The following CDKAL1 variants were observed in gnomAD, a reference collection of about 807,000 sequenced individuals.
The protein encoded by CDKAL1 is threonylcarbamoyladenosine tRNA methylthiotransferase.
CDKAL1 carries 32 observed loss-of-function variants against 68.2 expected under a neutral mutation model. That is an observed-to-expected ratio of 0.47 (90% CI 0.35 to 0.63). The LOEUF is 0.63. Ranked by LOEUF, CDKAL1 falls within the 30% of genes least tolerant of loss-of-function variation. The pLI is 0.00. For synonymous variants in CDKAL1, 234 were observed against 244.3 expected, an observed-to-expected ratio of 0.96 and a Z score of 0.39; for missense variants, 606 against 696.7, an observed-to-expected ratio of 0.87 and a Z score of 1.47.
At chr6:21,136,381 G>A (rs944249028) in intron 13 of CDKAL1, among the ~76,000 whole-genome samples, 4 of 152,212 alleles carry the variant, frequency 2.6e-5, no homozygotes, top group Admixed American at 6.5e-5. Flanking sequence ...TGTTGGGAAG[G>A]ATGGAGATGA....
intron 2 of CDKAL1, among the ~76,000 whole-genome samples, chr6:20,545,825 T>C (rs1293648898): frequency 1.3e-5 from 2 of 152,232 alleles, no homozygotes; most frequent in African/African-American, 4.8e-5. Flanking sequence ...CACTTCTAAA[T>C]ATTCAATATG....
intron 15 of CDKAL1, among the ~76,000 whole-genome samples, chr6:21,223,737 C>T (rs558492340): frequency 6.6e-6 from 1 of 152,298 alleles, no homozygotes; most frequent in South Asian, 2.1e-4. Flanking sequence ...CTCTTGGGTG[C>T]CCTTTCCCTC....
At chr6:20,763,533 G>T (rs1327188806) in intron 7 of CDKAL1, among the ~76,000 whole-genome samples, 1 of 152,158 alleles carries the variant, frequency 6.6e-6, no homozygotes, top group Non-Finnish European at 1.5e-5. Flanking sequence ...GGGCCAGATG[G>T]AATACCGCCT....
At chr6:21,117,646 T>G (rs564665278) in intron 13 of CDKAL1, among the ~76,000 whole-genome samples, 3 of 152,050 alleles carry the variant, frequency 2.0e-5, no homozygotes, top group Non-Finnish European at 4.4e-5. Context: ...TCAAAAAAAT[T>G]TATTCATTAT....
chr6:20,936,552 T>A (rs973116919), intron 9 of CDKAL1, among the ~76,000 whole-genome samples: 5 of 145,988 alleles, frequency 3.4e-5, no homozygotes, highest in African/African-American at 1.0e-4. Context: ...GCCCGGCCCA[T>A]TTTTTTTTTT....
chr6:20,657,957 G>A (rs1162022793), intron 5 of CDKAL1, among the ~76,000 whole-genome samples: 1 of 152,050 alleles, frequency 6.6e-6, no homozygotes, highest in Admixed American at 6.6e-5. Flanking sequence ...CCCTGGCTTT[G>A]TTTTATCCAT....
In CDKAL1 at chr6:20,771,663, T is replaced by G. The variant is rs144873794; in HGVS notation, c.518-9482T>G. 7.9e-3 allele frequency among the ~76,000 whole-genome samples: 1,209 copies of G among 152,270 alleles called. 19 individuals carry two copies. The highest frequency in any genetic ancestry group is 0.027 in the African/African-American group (1,130 of 41,568). ...TGGAAGTGGGGCCTGGTGGGAGGTA[T>G]TTGGGTCATGGGGGCGGTTCCCTCA... is the stretch of plus-strand genomic sequence containing the variant. On this transcript the variant is annotated intron_variant, in intron 7 of 15. Coordinates refer to ENST00000274695, the MANE Select transcript of CDKAL1 (RefSeq NM_017774.3).
chr6:20,610,029 T>G (rs999669064), intron 4 of CDKAL1, among the ~76,000 whole-genome samples: 4 of 152,128 alleles, frequency 2.6e-5, no homozygotes, highest in Non-Finnish European at 5.9e-5. Context: ...ACATGCAGTA[T>G]TTGGTTTTCT....
In CDKAL1 at chr6:20,837,209, C is replaced by A. The variant is rs1019976589; in HGVS notation, c.639-8866C>A. Among the ~76,000 whole-genome samples the A allele has an allele frequency of 2.0e-5, 3 of 152,156 alleles. No individual in the cohort carries two copies. In the East Asian group the frequency reaches 5.8e-4, roughly 29 times the overall value. On this transcript the variant is annotated intron_variant, in intron 8 of 15. Coordinates refer to ENST00000274695, the MANE Select transcript of CDKAL1 (RefSeq NM_017774.3). ...TGCTCACACCATTATTTGACCCAAA[C>A]AATTTAAGTTTTTTCCCACACAGGT...
chr6:20,787,534 C>T (rs1352291619), intron 8 of CDKAL1, among the ~76,000 whole-genome samples: 7 of 152,180 alleles, frequency 4.6e-5, no homozygotes, highest in Non-Finnish European at 7.3e-5. Flanking sequence ...GTTCTTGTAA[C>T]GTTGGTGGAG....
chr6:21,105,556 G>A (rs1773803482), intron 12 of CDKAL1, among the ~76,000 whole-genome samples: 1 of 152,182 alleles, frequency 6.6e-6, no homozygotes, highest in Non-Finnish European at 1.5e-5. Flanking sequence ...ATTAATATCA[G>A]GTCCAACTGC....
chr6:20,722,749 A>G (rs897657525), intron 5 of CDKAL1, among the ~76,000 whole-genome samples: 1 of 152,020 alleles, frequency 6.6e-6, no homozygotes, highest in Non-Finnish European at 1.5e-5. Flanking sequence ...CTTTTTACCA[A>G]TTGAATGTTG....
chr6:20,959,824 G>C (rs1044559421), intron 10 of CDKAL1, among the ~76,000 whole-genome samples: 1 of 152,082 alleles, frequency 6.6e-6, no homozygotes, highest in African/African-American at 2.4e-5. Flanking sequence ...TTATGAATTT[G>C]ATTACTCTTA....
At chr6:20,737,958 T>G (rs1773272095) in intron 5 of CDKAL1, among the ~76,000 whole-genome samples, 1 of 152,258 alleles carries the variant, frequency 6.6e-6, no homozygotes, top group Non-Finnish European at 1.5e-5. Context: ...AATTTTTTGT[T>G]GGCATCTAGT....
At chr6:21,058,752 G>A (rs1261180193) in intron 11 of CDKAL1, among the ~76,000 whole-genome samples, 1 of 152,198 alleles carries the variant, frequency 6.6e-6, no homozygotes, top group African/African-American at 2.4e-5. Flanking sequence ...AGTGGGGGCT[G>A]CAGAACAGCA....
At chr6:21,029,800 A>C (rs916555364) in intron 11 of CDKAL1, among the ~76,000 whole-genome samples, 3 of 152,254 alleles carry the variant, frequency 2.0e-5, no homozygotes, top group African/African-American at 7.2e-5. Context: ...ATCAGTCAAA[A>C]ATGGCAGTTA....
At position 20,956,948 on chromosome 6, in the gene CDKAL1, G is replaced by C. The variant is rs1295444705; in HGVS notation, c.909+1363G>C. 2.0e-5 allele frequency among the ~76,000 whole-genome samples: 3 copies of C among 146,432 alleles called. No homozygotes were observed. The South Asian group carries it at 6.4e-4, about 31-fold the overall frequency. The stretch of plus-strand genomic sequence containing the variant: ...TTTGCTATTTAAAAATAAGTTGCAG[G>C]CATGTCAACTTTTACTTAACACTTT... On this transcript the variant is annotated intron_variant, in intron 10 of 15. Coordinates refer to ENST00000274695, the MANE Select transcript of CDKAL1 (RefSeq NM_017774.3).
At chr6:21,039,148 C>G (rs1305515697) in intron 11 of CDKAL1, among the ~76,000 whole-genome samples, 3 of 152,178 alleles carry the variant, frequency 2.0e-5, no homozygotes, top group Non-Finnish European at 4.4e-5. Flanking sequence ...GCTCCGCCTT[C>G]TCTCAGATCA....
At chr6:20,918,218 A>G (rs763502963) in intron 9 of CDKAL1, among the ~76,000 whole-genome samples, 1 of 152,214 alleles carries the variant, frequency 6.6e-6, no homozygotes, top group Non-Finnish European at 1.5e-5. Context: ...CCAGACACCA[A>G]ATCTGCTGGC....
Sources: gnomAD v4.1 joint callset for allele counts (sites outside exome capture counted in the v4.1 genomes callset) on GRCh38, gnomAD v4.1.1 for gene constraint, MANE v1.5 for transcripts, NCBI Gene and HGNC (gene_info 2026-07-23, HGNC 2026-07-21) for gene names.